MITF: variants seen among roughly 807,000 people sequenced by gnomAD.
The protein encoded by MITF is melanocyte inducing transcription factor.
A neutral mutation model predicts 60.5 loss-of-function variants in MITF; 17 were observed. The ratio of observed to expected loss-of-function variants is 0.28; its 90% CI spans 0.19 to 0.42. MITF has a LOEUF of 0.42. Among genes scored for constraint, MITF ranks in the 10% least tolerant of loss-of-function variants. MITF has a pLI of 1.00. For missense variants in MITF, 622 were observed against 683.5 expected (o/e 0.91, Z 1.00); for synonymous variants, 260 against 248.5 (o/e 1.05, Z -0.43).
chr3:69,781,512 G>C (rs1381145017), intron 1 of MITF, among the ~76,000 whole-genome samples: 1 of 151,990 alleles, frequency 6.6e-6, no homozygotes, highest in Admixed American at 6.6e-5. Context: ...CCAAGCCCAG[G>C]GCCCTGTGCA....
intron 2 of MITF, among the ~76,000 whole-genome samples, chr3:69,894,673 T>TG (rs1347644232): frequency 1.5e-5 from 2 of 131,686 alleles, no homozygotes; most frequent in Non-Finnish European, 3.2e-5. Context: ...GCAACAAGAG[T>TG]GAAAAAAAAA....
intron 2 of MITF, among the ~76,000 whole-genome samples, chr3:69,891,717 A>G (rs773193913): frequency 1.2e-4 from 19 of 152,206 alleles, no homozygotes; most frequent in Non-Finnish European, 2.5e-4. Flanking sequence ...TTTAACATGT[A>G]AAGAGTTATG....
At chr3:69,948,700 A>G (rs776581601) in intron 5 of MITF, among the ~76,000 whole-genome samples, 4 of 152,182 alleles carry the variant, frequency 2.6e-5, no homozygotes, top group Non-Finnish European at 5.9e-5. Flanking sequence ...ATAATAGCCA[A>G]CATTTCCTGA....
At chr3:69,755,527 T>C (rs548203492) in intron 1 of MITF, among the ~76,000 whole-genome samples, 12 of 144,110 alleles carry the variant, frequency 8.3e-5, no homozygotes, top group African/African-American at 3.0e-4. Context: ...TCAAGGGTTT[T>C]TTCTTTCCCC....
chr3:69,959,052 G>T (rs1017567239), intron 8 of MITF, among the ~76,000 whole-genome samples: 2 of 151,964 alleles, frequency 1.3e-5, no homozygotes, highest in Non-Finnish European at 2.9e-5. Context: ...AAGCCTACAC[G>T]TTGGGTACAG....
chr3:69,782,166 A>G (rs2062576389), intron 1 of MITF, among the ~76,000 whole-genome samples: 1 of 152,228 alleles, frequency 6.6e-6, no homozygotes, highest in Non-Finnish European at 1.5e-5. Flanking sequence ...CTGCCCTATA[A>G]GAATCTCAGT....
chr3:69,963,706 C>T (rs1275268494), intron 9 of MITF, among the ~76,000 whole-genome samples: 1 of 152,152 alleles, frequency 6.6e-6, no homozygotes, highest in Non-Finnish European at 1.5e-5. Flanking sequence ...ACTTGTTTTC[C>T]TTCAATCACA....
intron 2 of MITF, among the ~76,000 whole-genome samples, chr3:69,912,819 A>C (rs1347109948): frequency 1.3e-5 from 2 of 152,194 alleles, no homozygotes; most frequent in Admixed American, 1.3e-4. Flanking sequence ...CTCTTTGGCC[A>C]ACTATCCTCT....
At chr3:69,863,000 G>C (rs1376828250) in intron 1 of MITF, among the ~76,000 whole-genome samples, 1 of 152,122 alleles carries the variant, frequency 6.6e-6, no homozygotes, top group Admixed American at 6.5e-5. Flanking sequence ...CTCTGTGTGT[G>C]TGTGTGTGTG....
At chr3:69,850,934 C>T (rs2063814075) in intron 1 of MITF, among the ~76,000 whole-genome samples, 1 of 152,146 alleles carries the variant, frequency 6.6e-6, no homozygotes, top group Non-Finnish European at 1.5e-5. Context: ...AGTGCTGGGC[C>T]CATCACTTGC....
rs6786207 is a variant in MITF, at chr3:69,789,164, G to C, written c.104+49463G>C. Among the ~76,000 whole-genome samples the C allele has an allele frequency of 2.9e-3, 438 of 152,084 alleles. 1 individual carries two copies. Among genetic ancestry groups the C allele is most frequent in the Non-Finnish European group, 5.2e-3 (354 of 67,974 alleles). On this transcript the variant is annotated intron_variant, in intron 1 of 9. Transcript: ENST00000352241. ...TACTCCATTAAACTTAAAATCTTTT[G>C]TGCATCAAATGACACAATCATCAGA...
intron 1 of MITF, among the ~76,000 whole-genome samples, chr3:69,866,931 A>G (rs2064127743): frequency 6.6e-6 from 1 of 151,938 alleles, no homozygotes; most frequent in African/African-American, 2.4e-5. Context: ...GGAAGGGGAA[A>G]CAGACATCCA....
Position 69,965,437 on chromosome 3 carries a change from A to G in MITF, c.*189A>G. ...AACAGACTTGTATATTCTATTTTACAACTACAAATGCCTCCAAAGTATTGT... is the reference window on the plus strand; with the variant it reads ...AACAGACTTGTATATTCTATTTTACGACTACAAATGCCTCCAAAGTATTGT... On this transcript the variant is annotated 3_prime_UTR_variant, in exon 10 of 10. Transcript: ENST00000352241. 1 of 590,726 alleles carries G rather than the reference A, an allele frequency of 1.7e-6. No homozygotes were observed. The highest frequency in any genetic ancestry group is 1.9e-5 in the African/African-American group (1 of 53,944). 36.6% of individuals were successfully genotyped at this position (590,726 alleles called of 1,614,324 possible).
chr3:69,771,283 T>C (rs915156250), intron 1 of MITF, among the ~76,000 whole-genome samples: 15 of 151,598 alleles, frequency 9.9e-5, no homozygotes, highest in African/African-American at 3.6e-4. Context: ...ACACTTCCAG[T>C]GAGCTCTGAT....
intron 1 of MITF, among the ~76,000 whole-genome samples, chr3:69,877,698 C>T (rs964673073): frequency 6.6e-6 from 1 of 152,094 alleles, no homozygotes. Flanking sequence ...AAAACCAATA[C>T]TTCTTCATCC....
intron 1 of MITF, among the ~76,000 whole-genome samples, chr3:69,824,760 C>G (rs1022260265): frequency 7.2e-5 from 11 of 152,214 alleles, no homozygotes; most frequent in African/African-American, 2.7e-4. Flanking sequence ...CACCTGGTAG[C>G]CAGCAGCTTC....
At chr3:69,816,975 A>C (rs2063191810) in intron 1 of MITF, among the ~76,000 whole-genome samples, 1 of 152,158 alleles carries the variant, frequency 6.6e-6, no homozygotes, top group Admixed American at 6.6e-5. Context: ...GAGAGCTTAG[A>C]CACTCTTCCT....
chr3:69,766,608 A>T (rs2062300304), intron 1 of MITF, among the ~76,000 whole-genome samples: 1 of 152,026 alleles, frequency 6.6e-6, no homozygotes, highest in African/African-American at 2.4e-5. Context: ...TGAATGAGTG[A>T]ATGCACGTTT....
At chr3:69,758,879 A>G (rs2062169520) in intron 1 of MITF, 2 of 211,948 alleles carry the variant, frequency 9.4e-6, no homozygotes, top group African/African-American at 2.3e-5. Context: ...ATCTTTACCT[A>G]TAAAATGGAG....
Sources: gnomAD v4.1 joint callset for allele counts (sites outside exome capture counted in the v4.1 genomes callset) on GRCh38, gnomAD v4.1.1 for gene constraint, MANE v1.5 for transcripts, NCBI Gene and HGNC (gene_info 2026-07-23, HGNC 2026-07-21) for gene names.